The following PXDNL variants were observed in gnomAD, a reference collection of about 807,000 sequenced individuals.
PXDNL encodes probable oxidoreductase PXDNL.
In PXDNL, 145 loss-of-function variants were observed where a neutral mutation model predicts 150.8. The ratio of observed to expected loss-of-function variants is 0.96; its 90% confidence interval spans 0.84 to 1.10. PXDNL has a LOEUF of 1.10. Among genes scored for constraint, PXDNL ranks in the 50% least tolerant of loss-of-function variants. The pLI is 0.00. For synonymous variants in PXDNL, 757 were observed against 725.7 expected, an observed-to-expected ratio of 1.04 and a Z score of -0.69; for missense variants, 2,087 against 1,873.9, an observed-to-expected ratio of 1.11 and a Z score of -2.10.
At chr8:51,393,288 T>A (rs1807969028) in intron 17 of PXDNL, among the ~76,000 whole-genome samples, 2 of 152,218 alleles carry the variant, frequency 1.3e-5, no homozygotes. Context: ...TCTGCTAAGT[T>A]CTTGACATAC....
At chr8:51,735,444 C>T (rs1227337585) in intron 1 of PXDNL, among the ~76,000 whole-genome samples, 7 of 150,386 alleles carry the variant, frequency 4.7e-5, no homozygotes, top group African/African-American at 7.4e-5. Context: ...GAGATCCTGC[C>T]GCTGCACCCC....
At chr8:51,777,974 G>A (rs751775994) in intron 1 of PXDNL, among the ~76,000 whole-genome samples, 5 of 152,124 alleles carry the variant, frequency 3.3e-5, no homozygotes, top group Non-Finnish European at 5.9e-5. Flanking sequence ...AAAAGGAACA[G>A]AAATATAGAG....
intron 10 of PXDNL, among the ~76,000 whole-genome samples, chr8:51,452,028 G>A (rs1274099859): frequency 6.6e-6 from 1 of 152,128 alleles, no homozygotes; most frequent in Non-Finnish European, 1.5e-5. Flanking sequence ...GGATGGTAAA[G>A]GTTACCAGAG....
intron 4 of PXDNL, among the ~76,000 whole-genome samples, chr8:51,513,135 T>C (rs942669342): frequency 6.6e-6 from 1 of 152,192 alleles, no homozygotes; most frequent in Admixed American, 6.5e-5. Context: ...CTAGCAGCAG[T>C]GTTGAAGACC....
chr8:51,446,341 G>T (rs1002191597), intron 12 of PXDNL, among the ~76,000 whole-genome samples: 4 of 152,162 alleles, frequency 2.6e-5, no homozygotes, highest in African/African-American at 9.7e-5. Context: ...TGCTGAAAAC[G>T]CAGTTTAGGT....
chr8:51,580,135 G>A (rs1249877611), intron 3 of PXDNL, among the ~76,000 whole-genome samples: 4 of 152,032 alleles, frequency 2.6e-5, no homozygotes, highest in Non-Finnish European at 4.4e-5. Context: ...TTGACTGGTA[G>A]TTGCCAGGAT....
At chr8:51,335,425 G>A (rs1279558847) in intron 21 of PXDNL, among the ~76,000 whole-genome samples, 1 of 152,068 alleles carries the variant, frequency 6.6e-6, no homozygotes, top group East Asian at 1.9e-4. Flanking sequence ...TGGGCTTGGG[G>A]ATCCTGTACA....
At position 51,374,574 on chromosome 8, in the gene PXDNL, A is replaced by G. The variant is rs1373444004; in HGVS notation, c.3692+23T>C. On this transcript the variant is annotated intron_variant, in intron 18 of 22. Transcript: ENST00000356297. Reference sequence around the variant, plus strand: ...AAAAACAACTTTTGTGATATTTAATAAGTATAACAGATAATCATTCACCTA... The same window carrying G: ...AAAAACAACTTTTGTGATATTTAATGAGTATAACAGATAATCATTCACCTA... The G allele has an allele frequency of 5.6e-5, 90 of 1,610,596 alleles. 1 individual carries two copies. Among genetic ancestry groups the G allele is most frequent in the Non-Finnish European group, 7.6e-5 (89 of 1,177,962 alleles).
chr8:51,675,879 T>A (rs1815610230), intron 1 of PXDNL, among the ~76,000 whole-genome samples: 1 of 152,084 alleles, frequency 6.6e-6, no homozygotes, highest in South Asian at 2.1e-4. Flanking sequence ...ATTTTCCTGC[T>A]GCAACGGAGC....
Position 51,792,892 on chromosome 8 carries a change from A to G in PXDNL, c.164+16289T>C, listed in dbSNP as rs143384785. Among the ~76,000 whole-genome samples, 1,260 of 152,298 alleles carry G rather than the reference A, an allele frequency of 8.3e-3. 14 individuals are homozygous for G. Among genetic ancestry groups the G allele is most frequent in the East Asian group, 0.047 (245 of 5,178 alleles). ...GTGGTCTCCATGAATCAGCAGACTT[A>G]GTCTTTACCCCTGAGGGCTCTGAGA... On this transcript the variant is annotated intron_variant, in intron 1 of 22. Transcript: ENST00000356297.
intron 14 of PXDNL, among the ~76,000 whole-genome samples, chr8:51,422,279 T>G (rs1359289985): frequency 2.0e-5 from 3 of 152,124 alleles, no homozygotes; most frequent in Non-Finnish European, 2.9e-5. Flanking sequence ...GCACAATAAA[T>G]GTAATGCACT....
At chr8:51,685,297 G>A (rs1210876780) in intron 1 of PXDNL, among the ~76,000 whole-genome samples, 1 of 152,174 alleles carries the variant, frequency 6.6e-6, no homozygotes, top group Non-Finnish European at 1.5e-5. Flanking sequence ...TTGAGGACAT[G>A]GGAAAGTTCT....
chr8:51,499,223 G>A (rs116976652), intron 5 of PXDNL, among the ~76,000 whole-genome samples: 8,527 of 152,172 alleles, frequency 0.056, 356 homozygotes, highest in South Asian at 0.092. Flanking sequence ...TACGCCTCCC[G>A]GACTCAAGTG....
At chr8:51,681,852 C>T (rs1322578043) in intron 1 of PXDNL, among the ~76,000 whole-genome samples, 1 of 152,130 alleles carries the variant, frequency 6.6e-6, no homozygotes, top group Non-Finnish European at 1.5e-5. Context: ...ACCATGTTTC[C>T]ACTGGGCATG....
In PXDNL at chr8:51,388,366, CT is replaced by C. The variant is rs1476335531; in HGVS notation, c.3558-13636del. Among the ~76,000 whole-genome samples, 6 of 151,948 alleles carry C rather than the reference CT, an allele frequency of 3.9e-5. No individual in the cohort carries two copies. The East Asian group carries it at 1.2e-3, about 29-fold the overall frequency. On this transcript the variant is annotated intron_variant, in intron 17 of 22. Transcript: ENST00000356297. ...ATATATTAATCAGTCTTTTTTTCAA[CT>C]TTTTACTTTATTAACTTTCGCTTTT... is the stretch of plus-strand genomic sequence containing the variant.
intron 1 of PXDNL, among the ~76,000 whole-genome samples, chr8:51,714,678 T>A (rs537453595): frequency 8.5e-5 from 13 of 152,160 alleles, no homozygotes; most frequent in Admixed American, 8.5e-4. Flanking sequence ...GAAAAATAAA[T>A]GACAAGAGGG....
intron 19 of PXDNL, among the ~76,000 whole-genome samples, chr8:51,356,199 C>G (rs1009213738): frequency 6.6e-6 from 1 of 152,142 alleles, no homozygotes; most frequent in African/African-American, 2.4e-5. Context: ...CTTCAAAAAT[C>G]TATAACTGGC....
chr8:51,475,939 A>AT (rs997295469), intron 6 of PXDNL, among the ~76,000 whole-genome samples: 2 of 152,048 alleles, frequency 1.3e-5, no homozygotes, highest in African/African-American at 4.8e-5. Context: ...TGTGTCTACA[A>AT]TTTTTTAGTT....
At chr8:51,648,227 ATCAGG>A (rs1258922094) in intron 2 of PXDNL, among the ~76,000 whole-genome samples, 1 of 152,230 alleles carries the variant, frequency 6.6e-6, no homozygotes, top group Non-Finnish European at 1.5e-5. Flanking sequence ...ACCCAAAAAT[ATCAGG>A]TCGTAATTCC....
Sources: allele counts gnomAD v4.1 joint callset (sites outside exome capture counted in the v4.1 genomes callset), GRCh38; gene constraint gnomAD v4.1.1; transcripts MANE v1.5; gene names NCBI Gene and HGNC (gene_info 2026-07-23, HGNC 2026-07-21).